TPD52L1: variants seen among roughly 807,000 people sequenced by gnomAD.
The protein encoded by TPD52L1 is tumor protein D53.
Under a neutral mutation model 28.7 loss-of-function variants are expected in TPD52L1, and 18 were observed. The observed-to-expected ratio is 0.63, with a 90% CI of 0.43 to 0.93. The LOEUF (loss-of-function observed/expected upper bound fraction) is 0.93. Among genes scored for constraint, TPD52L1 ranks in the 40% least tolerant of loss-of-function variants. The probability of loss-of-function intolerance (pLI) is 0.00; values close to 1 mark genes in which losing one functional copy is unlikely to be tolerated. For missense variants in TPD52L1, 203 were observed against 254.8 expected, an observed-to-expected ratio of 0.80 and a Z score of 1.39; for synonymous variants, 75 against 88.8, an observed-to-expected ratio of 0.84 and a Z score of 0.88.
intron 1 of TPD52L1, among the ~76,000 whole-genome samples, chr6:125,173,092 A>G (rs1046352441): frequency 6.6e-6 from 1 of 151,990 alleles, no homozygotes; most frequent in Non-Finnish European, 1.5e-5. Flanking sequence ...ATTGAATGTA[A>G]CCCTTAATTT....
In TPD52L1 at chr6:125,217,415, CAG is replaced by C. The variant is rs1371825057; in HGVS notation, c.20-2661_20-2660del. 1.1e-4 allele frequency among the ~76,000 whole-genome samples: 17 copies of C among 152,286 alleles called. No homozygotes were observed. In the South Asian group the frequency reaches 3.5e-3, roughly 32 times the overall value. The stretch of plus-strand genomic sequence containing the variant: ...ATCTGGGGGAAACGGGAGACAGTGA[CAG>C]ATCATCAGGCACTAGATTCTCATAA... On this transcript the variant is annotated intron_variant, in intron 1 of 6. Coordinates refer to ENST00000534000, the MANE Select transcript of TPD52L1 (RefSeq NM_003287.4).
chr6:125,224,621 C>G (rs547080004), intron 2 of TPD52L1, among the ~76,000 whole-genome samples: 10 of 152,260 alleles, frequency 6.6e-5, no homozygotes, highest in Admixed American at 6.5e-4. Flanking sequence ...TCTTGGGTCT[C>G]TTAGCCAAAG....
intron 1 of TPD52L1, among the ~76,000 whole-genome samples, chr6:125,214,240 C>G (rs572786831): frequency 6.6e-6 from 1 of 152,258 alleles, no homozygotes; most frequent in Admixed American, 6.5e-5. Context: ...AGGTCATCTC[C>G]TGGGCACAGA....
intron 4 of TPD52L1, chr6:125,252,010 T>G: frequency 6.5e-7 from 1 of 1,536,090 alleles, no homozygotes; most frequent in Non-Finnish European, 8.7e-7. Flanking sequence ...CTCCTGTGCT[T>G]CCGGGCTGCA....
At chr6:125,212,929 C>T (rs1562295514) in intron 1 of TPD52L1, among the ~76,000 whole-genome samples, 1 of 152,182 alleles carries the variant, frequency 6.6e-6, no homozygotes, top group Non-Finnish European at 1.5e-5. Context: ...ACAGACCTCA[C>T]CTGGCCAACG....
chr6:125,256,729 G>A (rs1219209810), intron 5 of TPD52L1, among the ~76,000 whole-genome samples: 1 of 152,228 alleles, frequency 6.6e-6, no homozygotes, highest in Non-Finnish European at 1.5e-5. Context: ...GAGTCAGGAA[G>A]AGGAGTGTTG....
chr6:125,236,058 A>C (rs917427296), intron 3 of TPD52L1, among the ~76,000 whole-genome samples: 4 of 152,208 alleles, frequency 2.6e-5, no homozygotes, highest in African/African-American at 9.7e-5. Flanking sequence ...AAGACATTTT[A>C]ATGGAAAGCA....
At chr6:125,222,013 G>A (rs1005723678) in intron 2 of TPD52L1, 2 of 152,184 alleles carry the variant, frequency 1.3e-5, no homozygotes, top group African/African-American at 4.8e-5. Context: ...GTGTATCTTT[G>A]CGATTTTTCT....
chr6:125,258,784 C>A (rs961874295), intron 6 of TPD52L1, among the ~76,000 whole-genome samples: 5 of 152,052 alleles, frequency 3.3e-5, no homozygotes, highest in African/African-American at 1.2e-4. Flanking sequence ...TAACCCAGCC[C>A]ACTAGATACT....
At chr6:125,196,589 T>A (rs1011121038) in intron 1 of TPD52L1, among the ~76,000 whole-genome samples, 3 of 152,268 alleles carry the variant, frequency 2.0e-5, no homozygotes, top group African/African-American at 7.2e-5. Context: ...TGACATTTAA[T>A]AACTTGCAAA....
chr6:125,194,192 C>T (rs12210979), intron 1 of TPD52L1, among the ~76,000 whole-genome samples: 2,998 of 151,810 alleles, frequency 0.02, 53 homozygotes, highest in Non-Finnish European at 0.027. Flanking sequence ...TTTCCATTTC[C>T]TTTGGAAGCG....
At chr6:125,168,167 GT>G (rs113750536) in intron 1 of TPD52L1, among the ~76,000 whole-genome samples, 2,288 of 152,170 alleles carry the variant, frequency 0.015, 58 homozygotes, top group African/African-American at 0.053. Context: ...CACGTTTTGG[GT>G]ACTTACTATT....
At position 125,163,685 on chromosome 6, in the gene TPD52L1, G is replaced by A. The variant is rs1202912922; in HGVS notation, c.19+9715G>A. On this transcript the variant is annotated intron_variant, in intron 1 of 6. Transcript: ENST00000534000. The stretch of plus-strand genomic sequence containing the variant: ...TTATACCTGTAATCTCAGCATTTTG[G>A]GAGCCTGAGGTGGGCGGATCACCTG... 2.0e-5 allele frequency among the ~76,000 whole-genome samples: 3 copies of A among 151,526 alleles called. No homozygotes were observed. In the East Asian group the frequency reaches 5.8e-4, roughly 29 times the overall value.
chr6:125,158,688 C>A (rs1243030533), intron 1 of TPD52L1, among the ~76,000 whole-genome samples: 1 of 152,072 alleles, frequency 6.6e-6, no homozygotes, highest in Non-Finnish European at 1.5e-5. Flanking sequence ...GGAAGTATGG[C>A]ATTTTGTTAT....
chr6:125,221,126 GC>G (rs1795204277), intron 2 of TPD52L1, among the ~76,000 whole-genome samples: 1 of 152,176 alleles, frequency 6.6e-6, no homozygotes, highest in Non-Finnish European at 1.5e-5. Context: ...GTCTATGACA[GC>G]TCAGAATAAT....
chr6:125,161,655 G>A (rs1010910807), intron 1 of TPD52L1, among the ~76,000 whole-genome samples: 5 of 152,112 alleles, frequency 3.3e-5, no homozygotes, highest in African/African-American at 1.2e-4. Flanking sequence ...TAGGGAAATG[G>A]GTGGCTGGTG....
At chr6:125,252,795 A>C (rs1195539529) in intron 4 of TPD52L1, 1 of 152,178 alleles carries the variant, frequency 6.6e-6, no homozygotes, top group African/African-American at 2.4e-5. Context: ...GTATCCCATG[A>C]ATTTGTTTGT....
Position 125,263,374 on chromosome 6 carries a change from T to G in TPD52L1, c.*412T>G. 6.1e-6 allele frequency: 1 copy of G among 163,948 alleles called. No homozygotes were observed. The highest frequency in any genetic ancestry group is 1.3e-5 in the Non-Finnish European group (1 of 75,014). The allele number at this position is 163,948 out of a possible 1,614,324, so 10.2% of individuals were successfully genotyped here. On this transcript the variant is annotated 3_prime_UTR_variant, in exon 7 of 7. Coordinates refer to ENST00000534000, the MANE Select transcript of TPD52L1 (RefSeq NM_003287.4). ...GTTCAGCAGATCAACAGGATGGAGC[T>G]CTTCATGACTGTCTCCAGCAATAGG...
chr6:125,260,876 A>G (rs917145126), intron 6 of TPD52L1: 1 of 150,710 alleles, frequency 6.6e-6, no homozygotes, highest in Non-Finnish European at 1.5e-5. Context: ...AAGAAAAGAA[A>G]GAAAGAAAAA....
Sources: gnomAD v4.1 joint callset for allele counts (sites outside exome capture counted in the v4.1 genomes callset) on GRCh38, gnomAD v4.1.1 for gene constraint, MANE v1.5 for transcripts, NCBI Gene and HGNC (gene_info 2026-07-23, HGNC 2026-07-21) for gene names.